The following SHROOM3 variants were observed in gnomAD, a reference collection of about 807,000 sequenced individuals.
SHROOM3 encodes the protein shroom family member 3.
Under a neutral mutation model 138.6 loss-of-function variants are expected in SHROOM3, and 47 were observed. The ratio of observed to expected loss-of-function variants is 0.34; its 90% confidence interval spans 0.27 to 0.43. The LOEUF (loss-of-function observed/expected upper bound fraction) is 0.43. Among genes scored for constraint, SHROOM3 ranks in the 20% least tolerant of loss-of-function variants. SHROOM3 has a pLI of 1.00. For missense variants in SHROOM3, 2,491 were observed against 2,596.5 expected (o/e 0.96, Z 0.88); for synonymous variants, 1,062 against 1,063.3 (o/e 1.00, Z 0.02).
At chr4:76,759,818 T>G (rs1382956863) in intron 9 of SHROOM3, 123 bp downstream of exon 9, 2 of 1,136,674 alleles carry the variant, frequency 1.8e-6, no homozygotes, top group African/African-American at 1.5e-5. Flanking sequence ...CATCACCAGA[T>G]TGCACCAAAA....
In SHROOM3 at chr4:76,730,984, T is replaced by G. The variant is rs141401073; in HGVS notation, c.587+49T>G. 6.2e-6 allele frequency: 10 copies of G among 1,610,808 alleles called. No individual in the cohort carries two copies. The Admixed American group carries it at 1.7e-4, about 27-fold the overall frequency. ...AAGGGTTTCTTTCTTTCTAATGTCA[T>G]GTTCCCAGAAAAGAATGTTTTCTTC... On this transcript the variant is annotated intron_variant, in intron 4 of 10. Coordinates refer to ENST00000296043, the MANE Select transcript of SHROOM3 (RefSeq NM_020859.4).
chr4:76,446,960 C>G (rs1406505466), intron 1 of SHROOM3, among the ~76,000 whole-genome samples: 1 of 152,194 alleles, frequency 6.6e-6, no homozygotes, highest in Non-Finnish European at 1.5e-5. Flanking sequence ...ATGATGGTCA[C>G]TAGCATTCAC....
chr4:76,497,545 G>A lies in SHROOM3; in HGVS notation c.169-58064G>A, dbSNP rs13106413. On this transcript the variant is annotated intron_variant, in intron 1 of 10. Transcript: ENST00000296043. ...ATCCACAGGTCCTACAGCAAGGCATGCCTGACATGTTTTTTAAAATCAGAA... is the reference window on the plus strand; with the variant it reads ...ATCCACAGGTCCTACAGCAAGGCATACCTGACATGTTTTTTAAAATCAGAA... Among the ~76,000 whole-genome samples, 125 of 152,072 alleles carry A rather than the reference G, an allele frequency of 8.2e-4. 1 individual carries two copies. In the East Asian group the frequency reaches 0.023, roughly 28 times the overall value.
chr4:76,592,858 A>C (rs953578053), intron 2 of SHROOM3, among the ~76,000 whole-genome samples: 2 of 152,318 alleles, frequency 1.3e-5, no homozygotes, highest in South Asian at 2.1e-4. Flanking sequence ...TTGCAGATAT[A>C]ATGAAAATAA....
At chr4:76,690,768 CTT>C (rs1430857190) in intron 2 of SHROOM3, among the ~76,000 whole-genome samples, 3 of 151,914 alleles carry the variant, frequency 2.0e-5, no homozygotes, top group African/African-American at 7.3e-5. Context: ...GAAATAAACT[CTT>C]ATAACAACAT....
In SHROOM3 at chr4:76,491,517, AT is replaced by A. The variant is rs1731848953; in HGVS notation, c.168+55302del. ...GCACAGGTGGATACTTATTGGAAAG[AT>A]TTTTCTCTCTGATAATAAAAAGTCT... On this transcript the variant is annotated intron_variant, in intron 1 of 10. Coordinates refer to ENST00000296043, the MANE Select transcript of SHROOM3 (RefSeq NM_020859.4). 3.3e-5 allele frequency among the ~76,000 whole-genome samples: 5 copies of A among 152,260 alleles called. No individual in the cohort carries two copies. In the South Asian group the frequency reaches 1.0e-3, roughly 32 times the overall value.
intron 2 of SHROOM3, among the ~76,000 whole-genome samples, chr4:76,582,979 C>T (rs1002374197): frequency 6.6e-6 from 1 of 152,212 alleles, no homozygotes; most frequent in African/African-American, 2.4e-5. Context: ...GCCAAAGAAT[C>T]TGGACAGGTA....
At chr4:76,734,513 CTTT>C (rs35737209) in intron 4 of SHROOM3, among the ~76,000 whole-genome samples, 5 of 137,664 alleles carry the variant, frequency 3.6e-5, no homozygotes, top group Admixed American at 7.2e-5. Flanking sequence ...TTTAAAAATA[CTTT>C]TTTTTTTTTT....
At chr4:76,642,941 T>C (rs1735712709) in intron 2 of SHROOM3, among the ~76,000 whole-genome samples, 1 of 152,156 alleles carries the variant, frequency 6.6e-6, no homozygotes, top group African/African-American at 2.4e-5. Context: ...GAGCAATGGC[T>C]CATGCCTGTA....
intron 2 of SHROOM3, among the ~76,000 whole-genome samples, chr4:76,685,071 C>A (rs1380784663): frequency 6.6e-6 from 1 of 152,186 alleles, no homozygotes; most frequent in Non-Finnish European, 1.5e-5. Context: ...AACCCCAACA[C>A]CCATTTGAGA....
At chr4:76,450,333 T>A (rs1405538184) in intron 1 of SHROOM3, among the ~76,000 whole-genome samples, 1 of 152,198 alleles carries the variant, frequency 6.6e-6, no homozygotes, top group Non-Finnish European at 1.5e-5. Flanking sequence ...GATGGCCATT[T>A]CTTAAAATAT....
intron 2 of SHROOM3, among the ~76,000 whole-genome samples, chr4:76,641,654 C>T (rs1735672558): frequency 6.6e-6 from 1 of 152,212 alleles, no homozygotes; most frequent in South Asian, 2.1e-4. Flanking sequence ...CGGAGCTCCA[C>T]CTTCCTTCAT....
At chr4:76,673,841 TC>T (rs1247602747) in intron 2 of SHROOM3, among the ~76,000 whole-genome samples, 1 of 152,188 alleles carries the variant, frequency 6.6e-6, no homozygotes, top group Non-Finnish European at 1.5e-5. Flanking sequence ...AACCCCCGTG[TC>T]CCCACTTTAC....
chr4:76,746,108 G>A (rs1271998959), intron 5 of SHROOM3, among the ~76,000 whole-genome samples: 1 of 152,200 alleles, frequency 6.6e-6, no homozygotes, highest in Non-Finnish European at 1.5e-5. Context: ...AGGTAGTAGA[G>A]TGAGGTTTTC....
intron 2 of SHROOM3, among the ~76,000 whole-genome samples, chr4:76,587,946 C>T (rs963131341): frequency 2.6e-5 from 4 of 152,128 alleles, no homozygotes; most frequent in Non-Finnish European, 5.9e-5. Flanking sequence ...GAATTACAAC[C>T]TAGAGAATAT....
chr4:76,570,443 A>C (rs546638524), intron 2 of SHROOM3, among the ~76,000 whole-genome samples: 1 of 152,120 alleles, frequency 6.6e-6, no homozygotes, highest in Non-Finnish European at 1.5e-5. Flanking sequence ...TCCCCACAAA[A>C]TCCAGCCGTG....
chr4:76,717,313 G>A (rs961160358), intron 3 of SHROOM3, among the ~76,000 whole-genome samples: 1 of 152,110 alleles, frequency 6.6e-6, no homozygotes, highest in African/African-American at 2.4e-5. Context: ...GACATACCTA[G>A]GTGTAGTTTT....
intron 1 of SHROOM3, among the ~76,000 whole-genome samples, chr4:76,554,634 A>T (rs1273567288): frequency 1.3e-5 from 2 of 151,788 alleles, no homozygotes; most frequent in African/African-American, 4.8e-5. Context: ...GTTAGCCAGG[A>T]TGGTCTCGAT....
At chr4:76,458,688 A>T (rs1731082684) in intron 1 of SHROOM3, among the ~76,000 whole-genome samples, 1 of 152,242 alleles carries the variant, frequency 6.6e-6, no homozygotes. Context: ...GATATAAATC[A>T]AATGCCATAC....
Sources: gnomAD v4.1 joint callset for allele counts (sites outside exome capture counted in the v4.1 genomes callset) on GRCh38, gnomAD v4.1.1 for gene constraint, MANE v1.5 for transcripts, NCBI Gene and HGNC (gene_info 2026-07-23, HGNC 2026-07-21) for gene names.